ERGIC1: variants seen among roughly 807,000 people sequenced by gnomAD.
The protein encoded by ERGIC1 is endoplasmic reticulum-Golgi intermediate compartment protein 1.
Under a neutral mutation model 38.3 loss-of-function variants are expected in ERGIC1, and 19 were observed. That is an observed-to-expected ratio of 0.50 (90% CI 0.35 to 0.73). The LOEUF is 0.73. Ranked by LOEUF, ERGIC1 falls within the 30% of genes least tolerant of loss-of-function variation. ERGIC1 has a pLI of 0.01. For missense variants in ERGIC1, 294 were observed against 389.2 expected (o/e 0.76, Z 2.06); for synonymous variants, 124 against 157.6 (o/e 0.79, Z 1.60).
At chr5:172,866,693 C>A (rs1055673001) in intron 1 of ERGIC1, among the ~76,000 whole-genome samples, 11 of 152,250 alleles carry the variant, frequency 7.2e-5, no homozygotes, top group Non-Finnish European at 4.4e-5. Flanking sequence ...CCACAGCTAG[C>A]AAGTGGCAGA....
chr5:172,904,943 C>T (rs952034978), intron 3 of ERGIC1, among the ~76,000 whole-genome samples: 5 of 152,232 alleles, frequency 3.3e-5, no homozygotes, highest in African/African-American at 1.2e-4. Flanking sequence ...CTGCCCAGCA[C>T]CGCAGCCCCC....
intron 4 of ERGIC1, among the ~76,000 whole-genome samples, chr5:172,913,049 G>A (rs573233722): frequency 2.0e-4 from 21 of 103,888 alleles, no homozygotes; most frequent in African/African-American, 7.9e-4. Flanking sequence ...GATTACCGGC[G>A]TGAGCCACTG....
At chr5:172,921,831 T>C (rs150820108) in intron 5 of ERGIC1, among the ~76,000 whole-genome samples, 1 of 152,372 alleles carries the variant, frequency 6.6e-6, no homozygotes, top group African/African-American at 2.4e-5. Context: ...CTGTTCCCTC[T>C]GCCCAGATGC....
At chr5:172,944,199 T>C (rs1044140491) in intron 9 of ERGIC1, among the ~76,000 whole-genome samples, 2 of 152,190 alleles carry the variant, frequency 1.3e-5, no homozygotes, top group African/African-American at 4.8e-5. Context: ...CCTCCCTGGC[T>C]CAGTGACCCT....
At chr5:172,879,696 C>CG (rs569546469) in intron 1 of ERGIC1, among the ~76,000 whole-genome samples, 34 of 152,194 alleles carry the variant, frequency 2.2e-4, no homozygotes, top group Non-Finnish European at 3.5e-4. Context: ...CATCACCCAT[C>CG]GGGGGCAGGA....
chr5:172,842,637 G>A lies in ERGIC1; in HGVS notation c.20+8204G>A, dbSNP rs537427269. Among the ~76,000 whole-genome samples the A allele has an allele frequency of 4.6e-5, 7 of 152,190 alleles. No individual in the cohort carries two copies. In the South Asian group the frequency reaches 8.3e-4, roughly 18 times the overall value. ...TGCACTATCTTTCCTCCCCACCAAC[G>A]GTGTACAAGCATTCCCTCTCCCCAC... is the stretch of plus-strand genomic sequence containing the variant. On this transcript the variant is annotated intron_variant, in intron 1 of 9. Coordinates refer to ENST00000393784, the MANE Select transcript of ERGIC1 (RefSeq NM_001031711.3).
chr5:172,920,830 G>T (rs901844182), intron 5 of ERGIC1, among the ~76,000 whole-genome samples: 25 of 152,354 alleles, frequency 1.6e-4, no homozygotes, highest in African/African-American at 6.0e-4. Flanking sequence ...CCTCTGGGAG[G>T]ACACACGCCT....
At chr5:172,949,379 G>A (rs1764184965) in intron 9 of ERGIC1, among the ~76,000 whole-genome samples, 1 of 152,208 alleles carries the variant, frequency 6.6e-6, no homozygotes, top group African/African-American at 2.4e-5. Context: ...CTGTGAAATA[G>A]TCTAAGAATA....
chr5:172,902,624 C>T (rs1046663411), intron 3 of ERGIC1, among the ~76,000 whole-genome samples: 4 of 152,232 alleles, frequency 2.6e-5, no homozygotes, highest in South Asian at 4.2e-4. Context: ...GGGCAGAACC[C>T]GGTGACTGGC....
intron 9 of ERGIC1, among the ~76,000 whole-genome samples, chr5:172,948,259 C>A (rs1262160320): frequency 6.6e-6 from 1 of 152,236 alleles, no homozygotes. Flanking sequence ...CATCCTGGGC[C>A]TCACAGGCCC....
rs1763159678 is a variant in ERGIC1, at chr5:172,909,711, G to A, written c.200G>A (p.Gly67Asp). 6.2e-7 allele frequency: 1 copy of A among 1,614,222 alleles called. No homozygotes were observed. Among genetic ancestry groups the A allele is most frequent in the African/African-American group, 1.3e-5 (1 of 75,070 alleles). The change falls in exon 4 of 10, where the codon GGC becomes GAC. Residue 67 changes from glycine (G) to aspartate (D), a missense_variant. By Grantham distance (94) the Gly-to-Asp change is moderately conservative. Transcript: ENST00000393784. ...GATGACCCAGACAAGGACAGCGGTG[G>A]CAAGATCGACGTCAGTCTGAACATC... is the stretch of plus-strand genomic sequence containing the variant. ...YVDDPDKDSG[G>D]KIDVSLNISL...
At chr5:172,894,817 C>T (rs905539626) in intron 2 of ERGIC1, among the ~76,000 whole-genome samples, 6 of 152,238 alleles carry the variant, frequency 3.9e-5, no homozygotes, top group East Asian at 3.8e-4. Flanking sequence ...CACAACAGGG[C>T]ACATAGTAAG....
intron 9 of ERGIC1, among the ~76,000 whole-genome samples, chr5:172,938,645 G>A (rs1168461772): frequency 2.6e-5 from 4 of 151,978 alleles, no homozygotes; most frequent in Non-Finnish European, 5.9e-5. Context: ...CCAGCTACTC[G>A]GGAGGCTGAG....
At chr5:172,930,887 A>C (rs1327467981) in intron 7 of ERGIC1, among the ~76,000 whole-genome samples, 1 of 152,128 alleles carries the variant, frequency 6.6e-6, no homozygotes, top group Non-Finnish European at 1.5e-5. Flanking sequence ...GACATCTGAG[A>C]ACCATTACAG....
intron 6 of ERGIC1, among the ~76,000 whole-genome samples, 154 bp downstream of exon 6, chr5:172,924,263 A>T (rs1372892360): frequency 1.3e-5 from 2 of 152,240 alleles, no homozygotes; most frequent in African/African-American, 2.4e-5. Flanking sequence ...TTCACCAGGA[A>T]CAGAACAGGG....
chr5:172,864,459 G>A (rs1383617030), intron 1 of ERGIC1, among the ~76,000 whole-genome samples: 3 of 151,796 alleles, frequency 2.0e-5, no homozygotes, highest in East Asian at 2.0e-4. Context: ...AGTAGAGACG[G>A]GGTTTCACCC....
intron 3 of ERGIC1, 79 bp from the exon 4 acceptor site, chr5:172,909,588 A>G (rs1643895574): frequency 1.5e-6 from 2 of 1,333,504 alleles, no homozygotes; most frequent in Admixed American, 1.7e-5. Context: ...CACCAAGTGA[A>G]GTGATCCCCG....
intron 3 of ERGIC1, 122 bp from the exon 4 acceptor site, chr5:172,909,545 C>T: frequency 1.2e-6 from 1 of 851,166 alleles, no homozygotes; most frequent in Non-Finnish European, 2.0e-6. Flanking sequence ...GCAGGCTCTG[C>T]CCAGGTGGAG....
intron 1 of ERGIC1, among the ~76,000 whole-genome samples, chr5:172,835,834 C>A (rs1478674321): frequency 6.6e-6 from 1 of 152,188 alleles, no homozygotes; most frequent in Non-Finnish European, 1.5e-5. Context: ...AGCCCTGAGG[C>A]TAGCAGACCT....
Sources: allele counts gnomAD v4.1 joint callset (sites outside exome capture counted in the v4.1 genomes callset), GRCh38; gene constraint gnomAD v4.1.1; transcripts MANE v1.5; gene names NCBI Gene and HGNC (gene_info 2026-07-23, HGNC 2026-07-21).